The following RIC3 variants were observed in gnomAD, a reference collection of about 807,000 sequenced individuals.
RIC3 encodes the protein RIC3 acetylcholine receptor chaperone.
RIC3 carries 28 observed loss-of-function variants against 27.3 expected under a neutral mutation model. That is an observed-to-expected ratio of 1.02 (90% CI 0.76 to 1.41). The LOEUF (loss-of-function observed/expected upper bound fraction) is 1.41, where lower values mean the gene tolerates loss of function less well. Among genes scored for constraint, RIC3 ranks in the 40% most tolerant of loss-of-function variants. The pLI is 0.00. For missense variants in RIC3, 501 were observed against 444.7 expected, an observed-to-expected ratio of 1.13 and a Z score of -1.14; for synonymous variants, 184 against 160.4, an observed-to-expected ratio of 1.15 and a Z score of -1.11.
At chr11:8,112,243 CT>C (rs1391735760) in intron 5 of RIC3, among the ~76,000 whole-genome samples, 4 of 151,634 alleles carry the variant, frequency 2.6e-5, no homozygotes, top group East Asian at 1.9e-4. Flanking sequence ...TTTTTCTGGT[CT>C]TTTTTTAACC....
At chr11:8,121,592 T>C (rs769801220) in intron 5 of RIC3, among the ~76,000 whole-genome samples, 1 of 152,040 alleles carries the variant, frequency 6.6e-6, no homozygotes, top group Non-Finnish European at 1.5e-5. Context: ...GGCACATGAC[T>C]GTAGTCCCAG....
the RIC3 span, among the ~76,000 whole-genome samples, chr11:8,094,727 A>G: frequency 4.0e-4 from 61 of 152,310 alleles, no homozygotes; most frequent in African/African-American, 1.5e-3. Flanking sequence ...AAGGACAGTG[A>G]TTGGCGGTAC....
chr11:8,113,395 G>A (rs1945483341), intron 5 of RIC3, among the ~76,000 whole-genome samples: 1 of 152,114 alleles, frequency 6.6e-6, no homozygotes, highest in African/African-American at 2.4e-5. Context: ...TGCACCCACA[G>A]ACCCAGCCTC....
At chr11:8,139,627 A>G (rs1012920647) in intron 2 of RIC3, 3 of 240,814 alleles carry the variant, frequency 1.2e-5, no homozygotes, top group African/African-American at 6.9e-5. Context: ...TCGGCCTGTA[A>G]AGATGTTAAT....
At position 8,122,701 on chromosome 11, in the gene RIC3, C is replaced by G. The variant is rs757282255; in HGVS notation, c.670+3958G>C. 6.6e-5 allele frequency among the ~76,000 whole-genome samples: 10 copies of G among 151,770 alleles called. No homozygotes were observed. In the Middle Eastern group the frequency reaches 0.017, roughly 258 times the overall value. On this transcript the variant is annotated intron_variant, in intron 5 of 5. Transcript: ENST00000309737. ...CCCTAGAATAAAGGCTGTTCTGGAC[C>G]CAAACTAAAAAATGTTAAAGCTTTA...
At chr11:8,137,302 G>T in intron 4 of RIC3, 76 bp downstream of exon 4, 2 of 1,311,434 alleles carry the variant, frequency 1.5e-6, no homozygotes, top group Non-Finnish European at 1.1e-6. Flanking sequence ...GGGATTAGAG[G>T]CCTCGGCCAC....
rs1565003624 is a variant in RIC3, at chr11:8,126,818, T to C, written c.522-11A>G. 5.0e-6 allele frequency: 8 copies of C among 1,613,850 alleles called. No homozygotes were observed. The highest frequency in any genetic ancestry group is 5.9e-6 in the Non-Finnish European group (7 of 1,180,002). The stretch of plus-strand genomic sequence containing the variant: ...ACAGTCTGTGCTCTGCTTAGAAATA[T>C]CAGACAATCCAACCATTTAGTGGTA... On this transcript the variant is annotated splice_polypyrimidine_tract_variant and intron_variant, in intron 4 of 5. Coordinates refer to ENST00000309737, the MANE Select transcript of RIC3 (RefSeq NM_001206671.4).
intron 4 of RIC3, among the ~76,000 whole-genome samples, chr11:8,129,646 T>C (rs1023615088): frequency 6.6e-6 from 1 of 152,200 alleles, no homozygotes; most frequent in Admixed American, 6.5e-5. Flanking sequence ...TTGAATTCTA[T>C]AAGCCCAGCA....
chr11:8,165,489 A>G (rs904453594), intron 1 of RIC3, among the ~76,000 whole-genome samples: 3 of 152,246 alleles, frequency 2.0e-5, no homozygotes, highest in Non-Finnish European at 4.4e-5. Flanking sequence ...GCAAATCTAT[A>G]GAGACATAAA....
intron 2 of RIC3, chr11:8,138,699 T>G (rs944233093): frequency 8.1e-6 from 2 of 245,924 alleles, no homozygotes; most frequent in African/African-American, 4.6e-5. Context: ...CAACTGTTCT[T>G]AGCTCCCACA....
intron 5 of RIC3, among the ~76,000 whole-genome samples, chr11:8,118,508 G>A (rs1946110257): frequency 4.1e-5 from 2 of 49,236 alleles, no homozygotes; most frequent in South Asian, 1.3e-3. Context: ...AGGAGCTATT[G>A]AATAGAAAGC....
chr11:8,132,978 T>C (rs1947915681), intron 4 of RIC3, among the ~76,000 whole-genome samples: 1 of 152,182 alleles, frequency 6.6e-6, no homozygotes, highest in South Asian at 2.1e-4. Context: ...TTTGAATATT[T>C]GTCTCCTCCT....
chr11:8,136,374 A>G (rs1948424315), intron 4 of RIC3, among the ~76,000 whole-genome samples: 1 of 152,232 alleles, frequency 6.6e-6, no homozygotes, highest in Non-Finnish European at 1.5e-5. Flanking sequence ...TTCCTTCTGC[A>G]TGGGATTCTG....
chr11:8,168,986 C>G lies in RIC3; in HGVS notation c.4G>C (p.Ala2Pro). ...GCGACTCTCTGCACTGTGGAGTACG[C>G]CATGACTGCTCACGGTGGTCGCAGG... M[A>P]YSTVQRVALA... The change falls in exon 1 of 6, where the codon GCG (alanine) becomes CCG (proline). Residue 2 changes from alanine to proline, a missense_variant. Ala to Pro is a conservative substitution (Grantham distance 27). Coordinates refer to ENST00000309737, the MANE Select transcript of RIC3 (RefSeq NM_001206671.4). 1 of 1,585,514 alleles carries G rather than the reference C, an allele frequency of 6.3e-7. No homozygotes were observed.
chr11:8,132,389 G>T (rs1019964928), intron 4 of RIC3, among the ~76,000 whole-genome samples: 1 of 152,158 alleles, frequency 6.6e-6, no homozygotes, highest in African/African-American at 2.4e-5. Flanking sequence ...AGCCTTCAGA[G>T]TCAAAATATG....
chr11:8,123,656 A>T (rs1946702329), intron 5 of RIC3, among the ~76,000 whole-genome samples: 2 of 152,156 alleles, frequency 1.3e-5, no homozygotes, highest in Admixed American at 1.3e-4. Context: ...TGAAAGATAC[A>T]AACTATCAAA....
downstream of RIC3, chr11:8,103,205 A>T (rs1944380783): frequency 6.6e-6 from 1 of 152,088 alleles, no homozygotes; most frequent in East Asian, 1.9e-4. Flanking sequence ...TCCCTCCACT[A>T]CCGCTATTTC....
chr11:8,136,627 T>C (rs11041761), intron 4 of RIC3, among the ~76,000 whole-genome samples: 5,353 of 152,278 alleles, frequency 0.035, 116 homozygotes, highest in Middle Eastern at 0.078. Flanking sequence ...GCTCTTAACA[T>C]CTAATTTACA....
At chr11:8,133,743 A>G (rs531787623) in intron 4 of RIC3, among the ~76,000 whole-genome samples, 2 of 152,318 alleles carry the variant, frequency 1.3e-5, no homozygotes, top group South Asian at 4.1e-4. Context: ...AAGGAGACAT[A>G]AATCTGGGAT....
Sources: gnomAD v4.1 joint callset for allele counts (sites outside exome capture counted in the v4.1 genomes callset) on GRCh38, gnomAD v4.1.1 for gene constraint, MANE v1.5 for transcripts, NCBI Gene and HGNC (gene_info 2026-07-23, HGNC 2026-07-21) for gene names.